APBA1: variants seen among roughly 807,000 people sequenced by gnomAD.
APBA1 encodes amyloid beta precursor protein binding family A member 1.
Under a neutral mutation model 86.6 loss-of-function variants are expected in APBA1, and 55 were observed. That is an observed-to-expected ratio of 0.64 (90% CI 0.51 to 0.80). The LOEUF (loss-of-function observed/expected upper bound fraction) is 0.80. Ranked by LOEUF, APBA1 falls within the 30% of genes least tolerant of loss-of-function variation. The pLI is 0.00. For missense variants in APBA1, 1,090 were observed against 1,183.0 expected (o/e 0.92, Z 1.15); for synonymous variants, 511 against 493.9 (o/e 1.03, Z -0.46).
At chr9:69,434,875 A>G (rs1834674780) in intron 11 of APBA1, among the ~76,000 whole-genome samples, 1 of 151,684 alleles carries the variant, frequency 6.6e-6, no homozygotes, top group South Asian at 2.1e-4. Flanking sequence ...TACATGTGCC[A>G]TGTTGGTGTG....
chr9:69,568,583 A>G (rs1588369081), intron 1 of APBA1, among the ~76,000 whole-genome samples: 1 of 152,202 alleles, frequency 6.6e-6, no homozygotes, highest in Non-Finnish European at 1.5e-5. Flanking sequence ...CTCATTTTCA[A>G]CCAGCAATGG....
intron 5 of APBA1, among the ~76,000 whole-genome samples, chr9:69,460,416 A>C (rs139660785): frequency 6.6e-6 from 1 of 152,300 alleles, no homozygotes; most frequent in East Asian, 1.9e-4. Context: ...GGAACCCCAG[A>C]GTCTGGCCAG....
chr9:69,592,109 CT>C (rs528705793), intron 1 of APBA1, among the ~76,000 whole-genome samples: 16 of 152,210 alleles, frequency 1.1e-4, no homozygotes, highest in Middle Eastern at 3.4e-3. Context: ...TGTTTTCTTG[CT>C]TGTATAATAA....
At chr9:69,552,749 T>G (rs1164682392) in intron 1 of APBA1, among the ~76,000 whole-genome samples, 2 of 152,212 alleles carry the variant, frequency 1.3e-5, no homozygotes, top group African/African-American at 2.4e-5. Flanking sequence ...CTGACAGGTT[T>G]CATTGGGTTT....
At chr9:69,545,379 T>C (rs1316649974) in intron 1 of APBA1, among the ~76,000 whole-genome samples, 1 of 152,198 alleles carries the variant, frequency 6.6e-6, no homozygotes, top group Non-Finnish European at 1.5e-5. Flanking sequence ...GCACCTCTGG[T>C]TCTTGGAACC....
rs1823667134 is a variant in APBA1 at position 69,658,284 on chromosome 9, CTCTCTCTCTT to C, written c.-70+13859_-70+13868del. Among the ~76,000 whole-genome samples the C allele has an allele frequency of 1.2e-3, 93 of 75,550 alleles. 2 individuals are homozygous for C. Among genetic ancestry groups the C allele is most frequent in the Admixed American group, 4.5e-3 (33 of 7,310 alleles). The allele number at this position is 75,550 out of a possible 152,430, so 49.6% of individuals were successfully genotyped here. A position where few individuals can be genotyped will look rare whatever the true frequency, so the allele number is the denominator to read the frequency against. On this transcript the variant is annotated intron_variant, in intron 1 of 12. Coordinates refer to ENST00000265381, the MANE Select transcript of APBA1 (RefSeq NM_001163.4). ...TCTTTCTTTCTTTCTTTCTTTCTTTCTCTCTCTCTTTCTCTCTCTCTCTTTCTTTCTTTCT... is the reference window on the plus strand; with the variant it reads ...TCTTTCTTTCTTTCTTTCTTTCTTTCTCTCTCTCTCTCTTTCTTTCTTTCT...
chr9:69,611,499 C>T (rs1228279010), intron 1 of APBA1, among the ~76,000 whole-genome samples: 1 of 151,984 alleles, frequency 6.6e-6, no homozygotes, highest in East Asian at 1.9e-4. Context: ...TCATTTGAAA[C>T]TGAAAAAAGG....
In APBA1 at chr9:69,456,313, C is replaced by A; in HGVS notation, c.1722G>T (p.Ala574=). The A allele has an allele frequency of 1.9e-6, 3 of 1,614,176 alleles. No individual in the cohort carries two copies. The highest frequency in any genetic ancestry group is 4.5e-5 in the East Asian group (2 of 44,872). ...PRSNSQENVE[A]SHPSQDGKRQ... Reference sequence around the variant, plus strand: ...TTTTCCCATCCTGGGATGGGTGGGACGCTTCCACGTTCTCCTGGGAGTTGG... The same window carrying A: ...TTTTCCCATCCTGGGATGGGTGGGAAGCTTCCACGTTCTCCTGGGAGTTGG... Residue 574 remains alanine (A), a synonymous_variant, in exon 8 of 13, where the codon GCG becomes GCT. Coordinates refer to ENST00000265381, the MANE Select transcript of APBA1 (RefSeq NM_001163.4).
intron 3 of APBA1, among the ~76,000 whole-genome samples, chr9:69,471,958 A>T (rs78183309): frequency 4.6e-5 from 7 of 152,242 alleles, no homozygotes; most frequent in African/African-American, 1.7e-4. Flanking sequence ...CAACTAAAAA[A>T]CAATCCCACA....
chr9:69,600,279 T>C (rs1822321595), intron 1 of APBA1, among the ~76,000 whole-genome samples: 1 of 152,196 alleles, frequency 6.6e-6, no homozygotes, highest in African/African-American at 2.4e-5. Context: ...AGCACCATGG[T>C]TTAGGACCAG....
At chr9:69,621,137 G>A (rs756190445) in intron 1 of APBA1, among the ~76,000 whole-genome samples, 3 of 152,176 alleles carry the variant, frequency 2.0e-5, no homozygotes, top group Non-Finnish European at 1.5e-5. Context: ...TTCATAAAAT[G>A]GTAGCTGTTA....
chr9:69,472,092 C>T (rs935754904), intron 3 of APBA1, among the ~76,000 whole-genome samples: 3 of 152,172 alleles, frequency 2.0e-5, no homozygotes, highest in Admixed American at 2.0e-4. Flanking sequence ...AGAATTCTCT[C>T]AGAGAAATTT....
At chr9:69,521,382 T>C (rs1238367904) in intron 1 of APBA1, among the ~76,000 whole-genome samples, 1 of 152,188 alleles carries the variant, frequency 6.6e-6, no homozygotes, top group Non-Finnish European at 1.5e-5. Context: ...AACTTTTCTT[T>C]GGTGAATCTT....
chr9:69,579,759 G>A (rs1409983807), intron 1 of APBA1, among the ~76,000 whole-genome samples: 2 of 152,176 alleles, frequency 1.3e-5, no homozygotes, highest in Non-Finnish European at 2.9e-5. Context: ...ATTGAAATAA[G>A]ATGGAAAGAG....
At chr9:69,618,069 T>C (rs908144702) in intron 1 of APBA1, among the ~76,000 whole-genome samples, 1 of 152,202 alleles carries the variant, frequency 6.6e-6, no homozygotes, top group Non-Finnish European at 1.5e-5. Context: ...GTAGGAACAG[T>C]ACCATGACTG....
intron 1 of APBA1, among the ~76,000 whole-genome samples, chr9:69,654,955 C>G (rs906545729): frequency 3.9e-5 from 6 of 152,130 alleles, no homozygotes; most frequent in African/African-American, 1.4e-4. Flanking sequence ...AGGGTAAAAA[C>G]CGTATGATCA....
At chr9:69,604,189 C>A (rs1206337442) in intron 1 of APBA1, among the ~76,000 whole-genome samples, 1 of 150,846 alleles carries the variant, frequency 6.6e-6, no homozygotes, top group African/African-American at 2.4e-5. Context: ...AGTGTGGGCA[C>A]GCATGCACAC....
At chr9:69,578,699 AGC>A (rs1821855384) in intron 1 of APBA1, among the ~76,000 whole-genome samples, 1 of 152,178 alleles carries the variant, frequency 6.6e-6, no homozygotes, top group African/African-American at 2.4e-5. Context: ...AGGAGTGGGG[AGC>A]CCCCTCCCCT....
intron 10 of APBA1, among the ~76,000 whole-genome samples, chr9:69,449,140 C>A (rs911436087): frequency 2.0e-5 from 3 of 152,138 alleles, no homozygotes; most frequent in African/African-American, 7.2e-5. Flanking sequence ...TAGTCAGGGC[C>A]ACTGGGAAGG....
Sources: allele counts gnomAD v4.1 joint callset (sites outside exome capture counted in the v4.1 genomes callset), GRCh38; gene constraint gnomAD v4.1.1; transcripts MANE v1.5; gene names NCBI Gene and HGNC (gene_info 2026-07-23, HGNC 2026-07-21).